The following DLG2 variants were observed in gnomAD, a reference collection of about 807,000 sequenced individuals.
DLG2 encodes disks large homolog 2.
A neutral mutation model predicts 132.5 loss-of-function variants in DLG2; 45 were observed. The ratio of observed to expected loss-of-function variants is 0.34; its 90% CI spans 0.27 to 0.44. The LOEUF (loss-of-function observed/expected upper bound fraction) is 0.44, where lower values mean the gene tolerates loss of function less well. Among genes scored for constraint, DLG2 ranks in the 20% least tolerant of loss-of-function variants. The probability of loss-of-function intolerance (pLI) is 1.00; values close to 1 mark genes in which losing one functional copy is unlikely to be tolerated. For missense variants in DLG2, 1,045 were observed against 1,196.9 expected (o/e 0.87, Z 1.87); for synonymous variants, 424 against 419.6 (o/e 1.01, Z -0.13).
chr11:83,573,170 T>G (rs899722469), intron 19 of DLG2, among the ~76,000 whole-genome samples: 3 of 152,184 alleles, frequency 2.0e-5, no homozygotes, highest in Non-Finnish European at 4.4e-5. Flanking sequence ...ATGATTAGAA[T>G]CAATTTATGA....
At chr11:85,037,329 A>G (rs1450761574) in intron 6 of DLG2, among the ~76,000 whole-genome samples, 1 of 152,076 alleles carries the variant, frequency 6.6e-6, no homozygotes, top group Non-Finnish European at 1.5e-5. Flanking sequence ...TTATTTGGCT[A>G]CCAGCAAAAC....
At position 85,309,280 on chromosome 11, in the gene DLG2, C is replaced by G. The variant is rs1294430571; in HGVS notation, c.41-23915G>C. Among the ~76,000 whole-genome samples the G allele has an allele frequency of 2.0e-5, 3 of 152,016 alleles. No individual in the cohort carries two copies. In the East Asian group the frequency reaches 5.8e-4, roughly 29 times the overall value. On this transcript the variant is annotated intron_variant, in intron 3 of 27. Coordinates refer to ENST00000376104, the MANE Select transcript of DLG2 (RefSeq NM_001142699.3). ...TAAGTCCAGCTCAGATAATCCTGAGCCAACACACAGATCCATGAGTATAAA... is the reference window on the plus strand; with the variant it reads ...TAAGTCCAGCTCAGATAATCCTGAGGCAACACACAGATCCATGAGTATAAA...
Position 85,540,742 on chromosome 11 carries a change from G to A in DLG2, c.40+57915C>T, listed in dbSNP as rs189322284. 8.8e-4 allele frequency among the ~76,000 whole-genome samples: 134 copies of A among 152,312 alleles called. 1 individual carries two copies. The highest frequency in any genetic ancestry group is 6.8e-3 in the Middle Eastern group (2 of 294). On this transcript the variant is annotated intron_variant, in intron 3 of 27. Transcript: ENST00000376104. ...TGTGACACACACCCACTGGGACTTCGGGAGCTATAAACACTCAACCTTAGA... is the reference window on the plus strand; with the variant it reads ...TGTGACACACACCCACTGGGACTTCAGGAGCTATAAACACTCAACCTTAGA...
intron 10 of DLG2, among the ~76,000 whole-genome samples, chr11:84,092,992 C>T (rs976127726): frequency 1.7e-4 from 25 of 149,260 alleles, no homozygotes; most frequent in Non-Finnish European, 3.3e-4. Flanking sequence ...GCCGAGATTG[C>T]GCCACTGCAC....
intron 3 of DLG2, among the ~76,000 whole-genome samples, chr11:85,298,569 GAA>G (rs1181265395): frequency 6.6e-6 from 1 of 152,084 alleles, no homozygotes; most frequent in African/African-American, 2.4e-5. Flanking sequence ...AAGGAAATTA[GAA>G]AGACATGACA....
At chr11:84,261,332 T>C (rs543192912) in intron 7 of DLG2, among the ~76,000 whole-genome samples, 3 of 152,290 alleles carry the variant, frequency 2.0e-5, no homozygotes, top group Non-Finnish European at 4.4e-5. Flanking sequence ...TTTCATTTCT[T>C]CCTTTTCCTA....
chr11:85,417,821 T>G (rs943769676), intron 3 of DLG2, among the ~76,000 whole-genome samples: 30 of 152,200 alleles, frequency 2.0e-4, no homozygotes, highest in African/African-American at 7.2e-4. Context: ...GTCTATTATA[T>G]TCTTCTCTCT....
chr11:84,310,420 C>T (rs2154387339), intron 7 of DLG2, among the ~76,000 whole-genome samples: 1 of 152,286 alleles, frequency 6.6e-6, no homozygotes, highest in African/African-American at 2.4e-5. Context: ...TTTCCTAGCA[C>T]AGTGTCTCAC....
rs543291184 is a variant in DLG2 at position 83,886,380 on chromosome 11, T to C, written c.1497-11892A>G. Among the ~76,000 whole-genome samples, 41 of 152,292 alleles carry C rather than the reference T, an allele frequency of 2.7e-4. 1 individual carries two copies. In the East Asian group the frequency reaches 7.9e-3, roughly 29 times the overall value. The stretch of plus-strand genomic sequence containing the variant: ...CATTACATAATGGTAAAGGGATCAA[T>C]TCAACAAGAAGAACTAACTATCCAA... On this transcript the variant is annotated intron_variant, in intron 15 of 27. Coordinates refer to ENST00000376104, the MANE Select transcript of DLG2 (RefSeq NM_001142699.3).
At chr11:84,592,744 G>T (rs10898270) in intron 6 of DLG2, among the ~76,000 whole-genome samples, 103,001 of 150,612 alleles carry the variant, frequency 0.68, 35,912 homozygotes, top group African/African-American at 0.81. Flanking sequence ...ATGAGAGAAA[G>T]GCAAATCAAA....
intron 3 of DLG2, among the ~76,000 whole-genome samples, chr11:85,309,475 C>T (rs2080179211): frequency 1.3e-5 from 2 of 151,536 alleles, no homozygotes; most frequent in South Asian, 2.1e-4. Flanking sequence ...AGTCATTCTC[C>T]AGTAAAACCA....
intron 6 of DLG2, among the ~76,000 whole-genome samples, chr11:84,982,889 G>A (rs1276517552): frequency 1.3e-5 from 2 of 152,098 alleles, no homozygotes; most frequent in African/African-American, 4.8e-5. Flanking sequence ...ACCCACTCGT[G>A]ATAATAATTC....
chr11:85,492,268 A>G (rs1351966498), intron 3 of DLG2, among the ~76,000 whole-genome samples: 13 of 152,158 alleles, frequency 8.5e-5, no homozygotes, highest in African/African-American at 3.1e-4. Context: ...TTTGCCATTA[A>G]TGGCAAAAAC....
chr11:85,233,336 A>T (rs551600921), intron 4 of DLG2, among the ~76,000 whole-genome samples: 10 of 152,054 alleles, frequency 6.6e-5, no homozygotes, highest in Non-Finnish European at 1.5e-4. Context: ...TTTGTAAAAC[A>T]TCCTGTCCCA....
intron 2 of DLG2, among the ~76,000 whole-genome samples, chr11:85,607,080 G>A (rs72955939): frequency 0.043 from 6,486 of 152,174 alleles, 181 homozygotes; most frequent in East Asian, 0.087. Flanking sequence ...TGAGATTATC[G>A]CCTATCGCCA....
chr11:85,207,671 T>C (rs769164842), intron 4 of DLG2, among the ~76,000 whole-genome samples: 2 of 152,118 alleles, frequency 1.3e-5, no homozygotes, highest in Admixed American at 6.6e-5. Flanking sequence ...GAAAGAAATA[T>C]GAAAAGAATG....
intron 6 of DLG2, among the ~76,000 whole-genome samples, chr11:84,938,077 C>T (rs976016802): frequency 6.6e-6 from 1 of 152,148 alleles, no homozygotes; most frequent in East Asian, 1.9e-4. Context: ...TTTAACAGTT[C>T]TGTGAGGTTT....
In DLG2 at chr11:84,418,344, T is replaced by C. The variant is rs533851658; in HGVS notation, c.519+116226A>G. ...TGTGAAGTGACAGTGGAAAAGATGA[T>C]AAAAAGAAGAGCAACAATACTAGTC... On this transcript the variant is annotated intron_variant, in intron 7 of 27. Coordinates refer to ENST00000376104, the MANE Select transcript of DLG2 (RefSeq NM_001142699.3). Among the ~76,000 whole-genome samples, 9 of 152,274 alleles carry C rather than the reference T, an allele frequency of 5.9e-5. No homozygotes were observed. The East Asian group carries it at 1.5e-3, about 26-fold the overall frequency.
At chr11:85,533,651 T>C (rs570271103) in intron 3 of DLG2, among the ~76,000 whole-genome samples, 1 of 152,202 alleles carries the variant, frequency 6.6e-6, no homozygotes, top group East Asian at 1.9e-4. Flanking sequence ...ATTATAGATA[T>C]AGATAGATAT....
Sources: allele counts gnomAD v4.1 joint callset (sites outside exome capture counted in the v4.1 genomes callset), GRCh38; gene constraint gnomAD v4.1.1; transcripts MANE v1.5; gene names NCBI Gene and HGNC (gene_info 2026-07-23, HGNC 2026-07-21).